Variants in FSTL5 observed in about 807,000 individuals in gnomAD.
FSTL5 encodes the protein follistatin like 5.
FSTL5 carries 62 observed loss-of-function variants against 89.1 expected under a neutral mutation model. The ratio of observed to expected loss-of-function variants is 0.70; its 90% CI spans 0.57 to 0.86. FSTL5 has a LOEUF of 0.86. Ranked by LOEUF, FSTL5 falls within the 40% of genes least tolerant of loss-of-function variation. The pLI is 0.00. For synonymous variants in FSTL5, 383 were observed against 346.2 expected (o/e 1.11, Z -1.18); for missense variants, 1,057 against 1,001.6 (o/e 1.06, Z -0.75).
Position 161,656,512 on chromosome 4 carries a change from C to T in FSTL5, c.728-18G>A, listed in dbSNP as rs1736524443. The stretch of plus-strand genomic sequence containing the variant: ...GATCACTTCTGTAAAGATGAAGTGT[C>T]AGTAATGTTGATGAGCATTTAGTTT... On this transcript the variant is annotated intron_variant, in intron 6 of 15. Coordinates refer to ENST00000306100, the MANE Select transcript of FSTL5 (RefSeq NM_020116.5). The T allele has an allele frequency of 6.8e-7, 1 of 1,478,414 alleles. No homozygotes were observed. The highest frequency in any genetic ancestry group is 1.4e-5 in the African/African-American group (1 of 69,628). 91.6% of individuals were successfully genotyped at this position (1,478,414 alleles called of 1,614,324 possible).
At chr4:161,603,635 C>T (rs1398292605) in intron 7 of FSTL5, among the ~76,000 whole-genome samples, 2 of 152,068 alleles carry the variant, frequency 1.3e-5, no homozygotes, top group East Asian at 3.9e-4. Flanking sequence ...TAAGATAATA[C>T]ATTTGTTTTT....
chr4:161,983,577 T>G (rs548422561), intron 3 of FSTL5, among the ~76,000 whole-genome samples: 1 of 152,292 alleles, frequency 6.6e-6, no homozygotes, highest in Non-Finnish European at 1.5e-5. Context: ...TACTTGCAAT[T>G]TTATCATTAA....
intron 4 of FSTL5, among the ~76,000 whole-genome samples, chr4:161,842,069 G>T (rs1271815169): frequency 6.6e-6 from 1 of 152,086 alleles, no homozygotes; most frequent in Admixed American, 6.6e-5. Context: ...TTGACAGCTG[G>T]TATCGCATAA....
chr4:162,154,475 T>C (rs1447310533), intron 1 of FSTL5, among the ~76,000 whole-genome samples: 3 of 152,172 alleles, frequency 2.0e-5, no homozygotes, highest in Admixed American at 6.6e-5. Context: ...TCATGTTCAC[T>C]TTCTACATAA....
chr4:161,665,415 AG>A (rs1343880507), intron 6 of FSTL5, among the ~76,000 whole-genome samples: 1 of 151,962 alleles, frequency 6.6e-6, no homozygotes, highest in Non-Finnish European at 1.5e-5. Context: ...TTGTATTTTT[AG>A]TAGAGATGGG....
chr4:161,667,105 T>C (rs1175600222), intron 6 of FSTL5, among the ~76,000 whole-genome samples: 1 of 152,118 alleles, frequency 6.6e-6, no homozygotes, highest in African/African-American at 2.4e-5. Flanking sequence ...CAATAGTGAA[T>C]CTCATTTTAT....
At chr4:161,752,985 C>A (rs1213618481) in intron 6 of FSTL5, among the ~76,000 whole-genome samples, 1 of 152,124 alleles carries the variant, frequency 6.6e-6, no homozygotes, top group African/African-American at 2.4e-5. Flanking sequence ...TAGACTTCCC[C>A]ATCTCAAGAA....
At chr4:161,414,161 T>C (rs1360068301) in intron 15 of FSTL5, among the ~76,000 whole-genome samples, 1 of 152,240 alleles carries the variant, frequency 6.6e-6, no homozygotes, top group Non-Finnish European at 1.5e-5. Context: ...TAATTTTAAA[T>C]ATTAATTAAT....
chr4:161,744,504 C>G (rs959787744), intron 6 of FSTL5, among the ~76,000 whole-genome samples: 3 of 152,112 alleles, frequency 2.0e-5, no homozygotes, highest in Non-Finnish European at 2.9e-5. Flanking sequence ...AAAGGCAAGT[C>G]TTACACCTAA....
chr4:161,762,492 A>G (rs1740842571), intron 5 of FSTL5, among the ~76,000 whole-genome samples: 1 of 152,188 alleles, frequency 6.6e-6, no homozygotes, highest in Non-Finnish European at 1.5e-5. Flanking sequence ...CTAGCAATTC[A>G]TGACACTGCC....
chr4:161,452,239 G>T (rs1181317396), intron 15 of FSTL5, among the ~76,000 whole-genome samples: 2 of 152,164 alleles, frequency 1.3e-5, no homozygotes, highest in Non-Finnish European at 2.9e-5. Context: ...ACTTTGGGAG[G>T]CCAAGGTGGG....
chr4:161,822,454 C>T (rs1730521874), intron 4 of FSTL5, among the ~76,000 whole-genome samples: 2 of 152,192 alleles, frequency 1.3e-5, no homozygotes, highest in African/African-American at 2.4e-5. Flanking sequence ...TGCAGCAGGG[C>T]AGGCAGCTCC....
At chr4:161,984,951 T>C (rs963439693) in intron 3 of FSTL5, among the ~76,000 whole-genome samples, 1 of 151,846 alleles carries the variant, frequency 6.6e-6, no homozygotes, top group African/African-American at 2.4e-5. Flanking sequence ...GAACATATTA[T>C]CTGAATACTT....
chr4:161,424,014 G>A (rs529095856), intron 15 of FSTL5, among the ~76,000 whole-genome samples: 4 of 139,622 alleles, frequency 2.9e-5, no homozygotes, highest in South Asian at 2.4e-4. Context: ...CTGCCAGCAC[G>A]CCCATCATTC....
chr4:161,986,956 A>G (rs566276676), intron 3 of FSTL5, among the ~76,000 whole-genome samples: 177 of 152,290 alleles, frequency 1.2e-3, no homozygotes, highest in African/African-American at 3.4e-3. Context: ...ATTCAAAACT[A>G]GAAGTTGTGA....
intron 4 of FSTL5, among the ~76,000 whole-genome samples, chr4:161,862,963 T>C (rs1314736592): frequency 6.6e-6 from 1 of 152,198 alleles, no homozygotes; most frequent in Non-Finnish European, 1.5e-5. Context: ...AGTGATAACA[T>C]TGCAGTCTGA....
chr4:161,672,992 G>A (rs1000545121), intron 6 of FSTL5, among the ~76,000 whole-genome samples: 1 of 151,834 alleles, frequency 6.6e-6, no homozygotes, highest in African/African-American at 2.4e-5. Context: ...CAGTACAATT[G>A]GAAGATTTCC....
At chr4:161,591,030 T>C (rs574884236) in intron 7 of FSTL5, among the ~76,000 whole-genome samples, 1 of 152,308 alleles carries the variant, frequency 6.6e-6, no homozygotes, top group African/African-American at 2.4e-5. Context: ...AACCCAAATG[T>C]CTATCAATGG....
intron 3 of FSTL5, among the ~76,000 whole-genome samples, chr4:161,936,720 G>T (rs1734442513): frequency 6.6e-6 from 1 of 152,070 alleles, no homozygotes; most frequent in African/African-American, 2.4e-5. Flanking sequence ...AAACCTGCAG[G>T]TTTATTCTTT....
Sources: gnomAD v4.1 joint callset for allele counts (sites outside exome capture counted in the v4.1 genomes callset) on GRCh38, gnomAD v4.1.1 for gene constraint, MANE v1.5 for transcripts, NCBI Gene and HGNC (gene_info 2026-07-23, HGNC 2026-07-21) for gene names.